COPB1: variants seen among roughly 807,000 people sequenced by gnomAD.
COPB1 encodes the protein coat protein complex I subunit beta 1, also known as coatomer subunit beta.
A neutral mutation model predicts 108.7 loss-of-function variants in COPB1; 21 were observed. The ratio of observed to expected loss-of-function variants is 0.19; its 90% CI spans 0.14 to 0.28. The LOEUF (loss-of-function observed/expected upper bound fraction) is 0.28. COPB1 is among the 10% of genes least tolerant of loss of function. The pLI, the probability that COPB1 is intolerant of heterozygous loss-of-function variation, is 1.00. For synonymous variants in COPB1, 378 were observed against 386.8 expected (o/e 0.98, Z 0.27); for missense variants, 919 against 1,141.3 (o/e 0.81, Z 2.81).
chr11:14,459,972 T>TA (rs950682435), intron 20 of COPB1: 1,691 of 339,508 alleles, frequency 5.0e-3, no homozygotes, highest in East Asian at 6.2e-3. Flanking sequence ...GAAAAGAAAA[T>TA]AAAAAAAAAA....
chr11:14,468,897 G>A, intron 15 of COPB1, 37 bp from the exon 16 acceptor site: 1 of 1,558,720 alleles, frequency 6.4e-7, no homozygotes, highest in Non-Finnish European at 8.7e-7. Flanking sequence ...TCTTTAATAT[G>A]AAAAGATAGT....
intron 20 of COPB1, 34 bp from the exon 21 acceptor site, chr11:14,458,721 C>T: frequency 6.3e-7 from 1 of 1,593,000 alleles, no homozygotes; most frequent in Non-Finnish European, 8.5e-7. Context: ...CATTACTTTA[C>T]CAGATACCTA....
intron 14 of COPB1, 72 bp downstream of exon 14, chr11:14,474,423 C>T: frequency 1.4e-6 from 2 of 1,379,496 alleles, no homozygotes; most frequent in Non-Finnish European, 2.0e-6. Context: ...TTTTTGAGTC[C>T]CTCACTGTTC....
intron 5 of COPB1, 75 bp downstream of exon 5, chr11:14,490,476 TACTGACTAAAAACA>T: frequency 1.4e-6 from 1 of 701,554 alleles, no homozygotes; most frequent in African/African-American, 1.9e-5. Flanking sequence ...TAAACAAAAT[TACTGACTAAAAACA>T]TGATTAAGTC....
In COPB1 at chr11:14,490,621, C is replaced by G. The variant is rs1286868123; in HGVS notation, c.550G>C (p.Glu184Gln). ...PELIHDFLVN[E>Q]KDASCKRNAF... ...TTCCTTTTGCAACTTGCATCCTTCT[C>G]ATTCACCAGAAAATCATGTATCAGT... Residue 184 changes from glutamate to glutamine, a missense_variant, in exon 5 of 22, where the codon GAG becomes CAG. By Grantham distance (29) the Glu-to-Gln change is conservative. Around this residue, in one of 5 missense-constraint regions of COPB1, gnomAD observed 78 missense variants for 95.4 expected, o/e 0.82. Transcript: ENST00000439561. The G allele has an allele frequency of 1.9e-6, 3 of 1,613,274 alleles. No homozygotes were observed. In the Admixed American group the frequency reaches 5.0e-5, roughly 27 times the overall value.
chr11:14,466,215 C>T (rs1565012770), intron 17 of COPB1, 67 bp downstream of exon 17: 20 of 1,439,060 alleles, frequency 1.4e-5, no homozygotes, highest in Non-Finnish European at 1.9e-5. Flanking sequence ...AACCTGTGCA[C>T]CTCCCTTAAT....
At chr11:14,460,390 C>T in intron 19 of COPB1, 93 bp from the exon 20 acceptor site, 16 of 753,042 alleles carry the variant, frequency 2.1e-5, no homozygotes, top group Non-Finnish European at 3.5e-5. Context: ...CTTGTTCCAA[C>T]TGTTTAGGTT....
At position 14,487,203 on chromosome 11, in the gene COPB1, T is replaced by C. The variant is rs572171776; in HGVS notation, c.700-699A>G. Among the ~76,000 whole-genome samples, 13 of 152,334 alleles carry C rather than the reference T, an allele frequency of 8.5e-5. No homozygotes were observed. The East Asian group carries it at 2.5e-3, about 29-fold the overall frequency. On this transcript the variant is annotated intron_variant, in intron 6 of 21. Coordinates refer to ENST00000439561, the MANE Select transcript of COPB1 (RefSeq NM_001144061.2). ...GTAAATATCCCTTATTTTTTCTCTTTTGAAGTCAGTATTTGTAGTAGATTT... is the reference window on the plus strand; with the variant it reads ...GTAAATATCCCTTATTTTTTCTCTTCTGAAGTCAGTATTTGTAGTAGATTT...
intron 11 of COPB1, among the ~76,000 whole-genome samples, chr11:14,477,322 G>T (rs376547919): frequency 7.3e-6 from 1 of 137,690 alleles, no homozygotes; most frequent in East Asian, 2.3e-4. Context: ...CTCGGGAAGC[G>T]GAGCTTGCAG....
At chr11:14,486,292 GA>G in intron 7 of COPB1, 74 bp downstream of exon 7, 1 of 1,522,508 alleles carries the variant, frequency 6.6e-7, no homozygotes, top group Non-Finnish European at 9.0e-7. Flanking sequence ...ATAGTGAATT[GA>G]AATGTCACTA....
intron 2 of COPB1, among the ~76,000 whole-genome samples, chr11:14,496,658 T>A (rs1258505519): frequency 1.4e-5 from 2 of 147,928 alleles, no homozygotes; most frequent in Admixed American, 6.8e-5. Context: ...GCAATTCCCA[T>A]CAAAATACCA....
chr11:14,472,754 G>A (rs1488905734), intron 14 of COPB1, among the ~76,000 whole-genome samples: 1 of 152,170 alleles, frequency 6.6e-6, no homozygotes, highest in Non-Finnish European at 1.5e-5. Context: ...TTTACATTAT[G>A]AAGACGGGCT....
intron 20 of COPB1, among the ~76,000 whole-genome samples, chr11:14,459,718 G>T (rs1468484544): frequency 6.6e-6 from 1 of 152,004 alleles, no homozygotes; most frequent in East Asian, 1.9e-4. Context: ...TGGGGTTCAG[G>T]TGATTCTCCT....
At chr11:14,487,317 A>G (rs1850795566) in intron 6 of COPB1, among the ~76,000 whole-genome samples, 1 of 152,174 alleles carries the variant, frequency 6.6e-6, no homozygotes, top group Middle Eastern at 3.2e-3. Flanking sequence ...TACTTAAGTC[A>G]TTAGATAGCA....
intron 7 of COPB1, among the ~76,000 whole-genome samples, 177 bp downstream of exon 7, chr11:14,486,190 G>T (rs574386541): frequency 1.3e-5 from 2 of 152,326 alleles, no homozygotes; most frequent in East Asian, 3.9e-4. Context: ...GTGTATGAAA[G>T]CAGGAAGGAA....
At chr11:14,479,862 G>T in intron 10 of COPB1, 148 bp from the exon 11 acceptor site, 1 of 781,758 alleles carries the variant, frequency 1.3e-6, no homozygotes, top group Non-Finnish European at 2.0e-6. Flanking sequence ...AGAGAATAGT[G>T]GCACAATCAT....
chr11:14,464,512 T>C (rs1440830733), intron 18 of COPB1, among the ~76,000 whole-genome samples: 1 of 152,208 alleles, frequency 6.6e-6, no homozygotes, highest in Non-Finnish European at 1.5e-5. Context: ...AGGTCTGAGA[T>C]ACCCTTGTGC....
At position 14,468,567 on chromosome 11, in the gene COPB1, G is replaced by A. The variant is rs900043078; in HGVS notation, c.2145+114C>T. On this transcript the variant is annotated intron_variant, in intron 16 of 21. Transcript: ENST00000439561. ...TCTGAGTTTCAACTGAGGTTTAATGGACCTATCACAGTGACTTGACAAAAT... is the reference window on the plus strand; with the variant it reads ...TCTGAGTTTCAACTGAGGTTTAATGAACCTATCACAGTGACTTGACAAAAT... 3.3e-5 allele frequency: 32 copies of A among 969,686 alleles called. No homozygotes were observed. In the African/African-American group the frequency reaches 4.9e-4, roughly 15 times the overall value. The allele number at this position is 969,686 out of a possible 1,614,324, so 60.1% of individuals were successfully genotyped here. A position where few individuals can be genotyped will look rare whatever the true frequency, so the allele number is the denominator to read the frequency against.
At chr11:14,459,129 T>C (rs1850089093) in intron 20 of COPB1, among the ~76,000 whole-genome samples, 1 of 152,226 alleles carries the variant, frequency 6.6e-6, no homozygotes, top group Non-Finnish European at 1.5e-5. Context: ...CATAATCTTA[T>C]GAGTTTGTCA....
Sources: gnomAD v4.1 joint callset for allele counts (sites outside exome capture counted in the v4.1 genomes callset) on GRCh38, gnomAD v4.1.1 for gene constraint, gnomAD v4.1.1 regional missense constraint, MANE v1.5 for transcripts, NCBI Gene and HGNC (gene_info 2026-07-23, HGNC 2026-07-21) for gene names.